Variants in MBD5 observed in about 807,000 individuals in gnomAD.
MBD5 encodes the protein methyl-CpG-binding domain protein 5.
Under a neutral mutation model 117.3 loss-of-function variants are expected in MBD5, and 13 were observed. The ratio of observed to expected loss-of-function variants is 0.11; its 90% confidence interval spans 0.07 to 0.18. MBD5 has a LOEUF of 0.18. Ranked by LOEUF, MBD5 falls within the 10% of genes least tolerant of loss-of-function variation. The pLI is 1.00. For synonymous variants in MBD5, 727 were observed against 766.4 expected (o/e 0.95, Z 0.85); for missense variants, 1,879 against 2,093.8 (o/e 0.90, Z 2.00).
chr2:148,318,150 G>A (rs922240165), intron 3 of MBD5, among the ~76,000 whole-genome samples: 3 of 152,172 alleles, frequency 2.0e-5, no homozygotes, highest in Non-Finnish European at 4.4e-5. Flanking sequence ...TAGCCCTTCT[G>A]ACTGGTGTAA....
intron 2 of MBD5, among the ~76,000 whole-genome samples, chr2:148,207,138 G>A (rs1239593462): frequency 6.6e-6 from 1 of 152,178 alleles, no homozygotes; most frequent in Non-Finnish European, 1.5e-5. Context: ...GGGCAAGGAG[G>A]TACAGGACCA....
chr2:148,477,361 G>A (rs866812781), intron 8 of MBD5, among the ~76,000 whole-genome samples: 39 of 151,944 alleles, frequency 2.6e-4, no homozygotes, highest in African/African-American at 7.5e-4. Context: ...AAGTCCTTTG[G>A]TTTAGGGCCC....
At chr2:148,224,016 G>A (rs776954972) in intron 2 of MBD5, among the ~76,000 whole-genome samples, 1 of 152,068 alleles carries the variant, frequency 6.6e-6, no homozygotes, top group South Asian at 2.1e-4. Context: ...TAATTTCCAT[G>A]TATTTGTACA....
Position 148,469,494 on chromosome 2 carries a change from G to T in MBD5, c.1551G>T (p.Gln517His), listed in dbSNP as rs751801483. The stretch of plus-strand genomic sequence containing the variant: ...CTACCAAGTCCGATGGACATCATCA[G>T]TACAAGGATATCCCTAACCCATTAA... ...SPSTKSDGHH[Q>H]YKDIPNPLIA... Residue 517 changes from glutamine (Q) to histidine (H), a missense_variant, in exon 8 of 14, where the codon CAG (glutamine) becomes CAT (histidine). Gln to His is a conservative substitution (Grantham distance 24). Coordinates refer to ENST00000642680, the MANE Select transcript of MBD5 (RefSeq NM_001378120.1). 22 of 1,613,718 alleles carry T rather than the reference G, an allele frequency of 1.4e-5. No homozygotes were observed. The South Asian group carries it at 2.4e-4, about 18-fold the overall frequency.
chr2:148,356,570 A>G (rs1201663627), intron 4 of MBD5, among the ~76,000 whole-genome samples: 1 of 152,122 alleles, frequency 6.6e-6, no homozygotes, highest in Non-Finnish European at 1.5e-5. Flanking sequence ...CTGACACTAA[A>G]TAAGTATTAA....
intron 2 of MBD5, among the ~76,000 whole-genome samples, chr2:148,214,405 G>A (rs1044257125): frequency 2.0e-5 from 3 of 152,162 alleles, no homozygotes; most frequent in African/African-American, 7.2e-5. Flanking sequence ...ATTTAAAAAT[G>A]TAAAAACAAT....
intron 4 of MBD5, among the ~76,000 whole-genome samples, chr2:148,443,118 T>G (rs1433685931): frequency 2.6e-5 from 4 of 151,418 alleles, no homozygotes; most frequent in African/African-American, 9.8e-5. Flanking sequence ...AGAAGTCATA[T>G]AAGTGGCAAA....
At chr2:148,404,185 G>T (rs1705010642) in intron 4 of MBD5, among the ~76,000 whole-genome samples, 2 of 149,652 alleles carry the variant, frequency 1.3e-5, no homozygotes, top group Admixed American at 1.3e-4. Context: ...ATATTCTTCA[G>T]CTATGTTCTG....
chr2:148,411,809 GATAGTTTC>G (rs1166516212), intron 4 of MBD5, among the ~76,000 whole-genome samples: 14 of 151,902 alleles, frequency 9.2e-5, no homozygotes, highest in Non-Finnish European at 1.8e-4. Flanking sequence ...GTTTACTCTT[GATAGTTTC>G]TTTTACTATG....
intron 4 of MBD5, among the ~76,000 whole-genome samples, chr2:148,436,358 GTTGTT>G (rs1000867948): frequency 2.6e-5 from 4 of 152,052 alleles, no homozygotes; most frequent in East Asian, 1.9e-4. Context: ...TTTTGTTGCT[GTTGTT>G]TTGTTTTGTT....
intron 11 of MBD5, chr2:148,490,795 G>A: frequency 3.1e-6 from 2 of 650,340 alleles, no homozygotes; most frequent in Non-Finnish European, 5.2e-6. Flanking sequence ...GGGGTGAGTT[G>A]TAAAGCATTT....
intron 3 of MBD5, among the ~76,000 whole-genome samples, chr2:148,298,394 G>A (rs887061297): frequency 6.6e-6 from 1 of 152,196 alleles, no homozygotes; most frequent in African/African-American, 2.4e-5. Flanking sequence ...CTGAGCTGGT[G>A]AGTGGGAGTG....
chr2:148,102,011 C>G (rs1014581863), intron 1 of MBD5, among the ~76,000 whole-genome samples: 3 of 152,100 alleles, frequency 2.0e-5, no homozygotes, highest in African/African-American at 7.2e-5. Context: ...TATCTTAACC[C>G]ATCACTGACT....
intron 3 of MBD5, among the ~76,000 whole-genome samples, chr2:148,329,715 G>A (rs1702581022): frequency 6.6e-6 from 1 of 152,132 alleles, no homozygotes; most frequent in Non-Finnish European, 1.5e-5. Flanking sequence ...AACCTGGAAT[G>A]ATTTGAGCAA....
chr2:148,278,016 G>A (rs1006942223), intron 3 of MBD5, among the ~76,000 whole-genome samples: 2 of 152,074 alleles, frequency 1.3e-5, no homozygotes, highest in Non-Finnish European at 2.9e-5. Flanking sequence ...CATCACCCAC[G>A]AAAATTTTCT....
intron 3 of MBD5, among the ~76,000 whole-genome samples, chr2:148,237,700 ATGCTGTGTG>A (rs1574176402): frequency 6.6e-6 from 1 of 152,220 alleles, no homozygotes; most frequent in East Asian, 1.9e-4. Flanking sequence ...AAGTGAGCAC[ATGCTGTGTG>A]TGAAAACGGC....
chr2:148,083,750 C>T (rs924707947), intron 1 of MBD5, among the ~76,000 whole-genome samples: 6 of 152,122 alleles, frequency 3.9e-5, no homozygotes, highest in African/African-American at 1.2e-4. Context: ...GCCTCAGCCT[C>T]CTGAGTAGCT....
At chr2:148,501,832 T>A (rs956518983) in intron 11 of MBD5, among the ~76,000 whole-genome samples, 7 of 152,182 alleles carry the variant, frequency 4.6e-5, no homozygotes, top group Admixed American at 1.3e-4. Context: ...GCCAAATGTG[T>A]ACTAGGTCAT....
intron 3 of MBD5, among the ~76,000 whole-genome samples, chr2:148,244,892 G>A (rs1241019175): frequency 6.6e-6 from 1 of 152,020 alleles, no homozygotes; most frequent in Non-Finnish European, 1.5e-5. Flanking sequence ...TCATAACCAG[G>A]CCAAATACCA....
Sources: gnomAD v4.1 joint callset for allele counts (sites outside exome capture counted in the v4.1 genomes callset) on GRCh38, gnomAD v4.1.1 for gene constraint, MANE v1.5 for transcripts, NCBI Gene and HGNC (gene_info 2026-07-23, HGNC 2026-07-21) for gene names.